The following GDF2 variants were observed in gnomAD, a reference collection of about 807,000 sequenced individuals.
The protein encoded by GDF2 is growth differentiation factor 2.
GDF2 carries 17 observed loss-of-function variants against 16.9 expected under a neutral mutation model. The ratio of observed to expected loss-of-function variants is 1.00; its 90% CI spans 0.69 to 1.51. The LOEUF (loss-of-function observed/expected upper bound fraction) is 1.51, where lower values mean the gene tolerates loss of function less well. GDF2 is among the 40% of genes most tolerant of loss of function. The pLI is 0.00. For synonymous variants in GDF2, 276 were observed against 237.6 expected (o/e 1.16, Z -1.49); for missense variants, 523 against 556.3 (o/e 0.94, Z 0.60).
chr10:47,325,225 TC>T lies in GDF2; in HGVS notation c.737del (p.Pro246GlnfsTer27). The T allele has an allele frequency of 6.2e-7, 1 of 1,613,828 alleles. No homozygotes were observed. Among genetic ancestry groups the T allele is most frequent in the Non-Finnish European group, 8.5e-7 (1 of 1,179,998 alleles). ...GGCTGCGACACGCTGGACATCAGTG[TC>T]CCCCCAGGTTCCAGAAACCTGCCCT... is the stretch of plus-strand genomic sequence containing the variant. The part of the protein sequence containing the change: ...RKGCDTLDIS[V>X]PPGSRNLPFF... On this transcript the variant is annotated frameshift_variant, in exon 2 of 2. Coordinates refer to ENST00000581492, the MANE Select transcript of GDF2 (RefSeq NM_016204.4). LOFTEE classifies it high-confidence loss of function.
Position 47,322,749 on chromosome 10 carries a change from C to G in GDF2, c.81C>G (p.Ser27Arg), listed in dbSNP as rs782628785. 4 of 1,610,834 alleles carry G rather than the reference C, an allele frequency of 2.5e-6. No individual in the cohort carries two copies. The highest frequency in any genetic ancestry group is 3.4e-6 in the Non-Finnish European group (4 of 1,178,058). The change falls in exon 1 of 2, where the codon AGC becomes AGG. Residue 27 changes from serine (S) to arginine (R), a missense_variant. By Grantham distance (110) the Ser-to-Arg change is moderately radical (BLOSUM62 -1). Coordinates refer to ENST00000581492, the MANE Select transcript of GDF2 (RefSeq NM_016204.4). ...CCCTACAGGGGAAGCCACTGCAGAG[C>G]TGGGGACGAGGGTCTGCTGGGGGAA... ...AGSLQGKPLQ[S>R]WGRGSAGGNA...
chr10:47,324,802 C>T, intron 1 of GDF2, 39 bp from the exon 2 acceptor site: 1 of 1,408,444 alleles, frequency 7.1e-7, no homozygotes, highest in Non-Finnish European at 1.0e-6. Flanking sequence ...TGGAAACAGA[C>T]CCTCCAGCAG....
rs782693474 is a variant in GDF2 at position 47,326,765 on chromosome 10, G to A, written c.*981G>A. Among the ~76,000 whole-genome samples the A allele has an allele frequency of 5.9e-5, 9 of 152,236 alleles. No homozygotes were observed. The highest frequency in any genetic ancestry group is 1.0e-4 in the Non-Finnish European group (7 of 68,036). The stretch of plus-strand genomic sequence containing the variant: ...GGGCCGGGCACACTTTCCCCTGAGG[G>A]ATGGGGCAGCCTGTGGCCAGCACCT... On this transcript the variant is annotated 3_prime_UTR_variant, in exon 2 of 2. Transcript: ENST00000581492.
Position 47,325,047 on chromosome 10 carries a change from G to A in GDF2, c.553G>A (p.Ala185Thr), listed in dbSNP as rs1555208897. ...GGATGGAACAGATGCCTGGGATAGTGCTACAGAGACCAAGACCTTCCTGGT... is the reference window on the plus strand; with the variant it reads ...GGATGGAACAGATGCCTGGGATAGTACTACAGAGACCAAGACCTTCCTGGT... Reference protein sequence around the residue: ...VLDGTDAWDSATETKTFLVSQ... With the variant: ...VLDGTDAWDSTTETKTFLVSQ... The change falls in exon 2 of 2, where the codon GCT becomes ACT. Residue 185 changes from alanine (A) to threonine (T), a missense_variant. Transcript: ENST00000581492. The A allele has an allele frequency of 2.5e-6, 4 of 1,614,118 alleles. No individual in the cohort carries two copies. The Admixed American group carries it at 6.7e-5, about 27-fold the overall frequency.
In GDF2 at chr10:47,326,601, G is replaced by A. The variant is rs782132352; in HGVS notation, c.*817G>A. 2.0e-4 allele frequency among the ~76,000 whole-genome samples: 30 copies of A among 152,154 alleles called. No individual in the cohort carries two copies. Among genetic ancestry groups the A allele is most frequent in the Non-Finnish European group, 4.1e-4 (28 of 68,030 alleles). On this transcript the variant is annotated 3_prime_UTR_variant, in exon 2 of 2. Coordinates refer to ENST00000581492, the MANE Select transcript of GDF2 (RefSeq NM_016204.4). ...GGCCAACTGCAGGATAGAGAGAGAG[G>A]TCAGGACAGCAGCCCTGTGGGCTGC...
rs2061101518 is a variant in GDF2, at chr10:47,325,328, T to C, written c.834T>C (p.His278=). Residue 278 remains histidine, a synonymous_variant, in exon 2 of 2, where the codon CAT becomes CAC. Coordinates refer to ENST00000581492, the MANE Select transcript of GDF2 (RefSeq NM_016204.4). ...TGGAGCTGAGGGAGATGATCAGCCATGAACAAGAGAGCGTGCTCAAGAAGC... is the reference window on the plus strand; with the variant it reads ...TGGAGCTGAGGGAGATGATCAGCCACGAACAAGAGAGCGTGCTCAAGAAGC... ...TRLELREMIS[H]EQESVLKKLS... 1.2e-6 allele frequency: 2 copies of C among 1,614,094 alleles called. No individual in the cohort carries two copies. The highest frequency in any genetic ancestry group is 1.1e-5 in the South Asian group (1 of 91,076).
rs978928142 is a variant in GDF2, at chr10:47,326,533, A to T, written c.*749A>T. ...TTGCCAGTGCTCACTCAGCGGCCAC[A>T]TGCTTTTTAATATGACCCCTGAGGC... On this transcript the variant is annotated 3_prime_UTR_variant, in exon 2 of 2. Transcript: ENST00000581492. Among the ~76,000 whole-genome samples the T allele has an allele frequency of 6.6e-6, 1 of 152,202 alleles. No homozygotes were observed. Among genetic ancestry groups the T allele is most frequent in the Non-Finnish European group, 1.5e-5 (1 of 68,026 alleles).
chr10:47,324,466 T>A (rs1308145112), intron 1 of GDF2, among the ~76,000 whole-genome samples: 3 of 152,208 alleles, frequency 2.0e-5, no homozygotes, highest in African/African-American at 7.2e-5. Context: ...CTGTATGCAT[T>A]TTGGCAATTA....
rs1565755196 is a variant in GDF2, at chr10:47,325,378, CA to C, written c.885del (p.Gly296ValfsTer19). The C allele has an allele frequency of 6.2e-7, 1 of 1,614,108 alleles. No individual in the cohort carries two copies. Among genetic ancestry groups the C allele is most frequent in the Non-Finnish European group, 8.5e-7 (1 of 1,180,036 alleles). On this transcript the variant is annotated frameshift_variant, in exon 2 of 2. Transcript: ENST00000581492. LOFTEE classifies it high-confidence loss of function. ...CTGTCCAAGGACGGCTCCACAGAGG[CA>C]GGTGAGAGCAGTCACGAGGAGGACA... Reference protein sequence around the residue: ...KKLSKDGSTEAGESSHEEDTD... With the variant: ...KKLSKDGSTEXGESSHEEDTD...
rs1313645354 is a variant in GDF2, at chr10:47,327,534, G to A, written c.*1750G>A. Among the ~76,000 whole-genome samples the A allele has an allele frequency of 2.6e-5, 4 of 152,152 alleles. No individual in the cohort carries two copies. Among genetic ancestry groups the A allele is most frequent in the Admixed American group, 2.0e-4 (3 of 15,280 alleles). On this transcript the variant is annotated 3_prime_UTR_variant, in exon 2 of 2. Coordinates refer to ENST00000581492, the MANE Select transcript of GDF2 (RefSeq NM_016204.4). Reference sequence around the variant, plus strand: ...TGAGCATCTTCTTTCAGTCCTGGTGGTGTGCTTCTGTGCCTGCTTGAAAAT... The same window carrying A: ...TGAGCATCTTCTTTCAGTCCTGGTGATGTGCTTCTGTGCCTGCTTGAAAAT...
At position 47,325,391 on chromosome 10, in the gene GDF2, T is replaced by C. The variant is rs1555209033; in HGVS notation, c.897T>C (p.Ser299=). ...KDGSTEAGES[S]HEEDTDGHVA... ...GCTCCACAGAGGCAGGTGAGAGCAG[T>C]CACGAGGAGGACACGGATGGCCACG... Residue 299 remains serine, a synonymous_variant, in exon 2 of 2, where the codon AGT becomes AGC. Transcript: ENST00000581492. 1 of 1,613,978 alleles carries C rather than the reference T, an allele frequency of 6.2e-7. No homozygotes were observed. Among genetic ancestry groups the C allele is most frequent in the Non-Finnish European group, 8.5e-7 (1 of 1,180,020 alleles).
chr10:47,325,426 G>A lies in GDF2; in HGVS notation c.932G>A (p.Gly311Glu). 6.2e-7 allele frequency: 1 copy of A among 1,613,926 alleles called. No homozygotes were observed. The highest frequency in any genetic ancestry group is 8.5e-7 in the Non-Finnish European group (1 of 1,180,044). The change falls in exon 2 of 2, where the codon GGG (glycine) becomes GAG (glutamate). Residue 311 changes from glycine (G) to glutamate (E), a missense_variant. Gly to Glu is a moderately conservative substitution (Grantham distance 98, BLOSUM62 -2). Coordinates refer to ENST00000581492, the MANE Select transcript of GDF2 (RefSeq NM_016204.4). Reference protein sequence around the residue: ...EEDTDGHVAAGSTLARRKRSA... With the variant: ...EEDTDGHVAAESTLARRKRSA... The stretch of plus-strand genomic sequence containing the variant: ...GACACGGATGGCCACGTGGCTGCGG[G>A]GTCGACTTTAGCCAGGCGGAAAAGG...
Position 47,325,192 on chromosome 10 carries a change from A to G in GDF2, c.698A>G (p.His233Arg), listed in dbSNP as rs781942504. ...KNKLEVTVESHRKGCDTLDIS... is the reference protein window; with the variant it reads ...KNKLEVTVESRRKGCDTLDIS... ...AAGCTGGAAGTGACTGTGGAGAGCC[A>G]CAGGAAGGGCTGCGACACGCTGGAC... The change falls in exon 2 of 2, where the codon CAC (histidine) becomes CGC (arginine). Residue 233 changes from histidine to arginine, a missense_variant. By Grantham distance (29) the His-to-Arg change is conservative. Coordinates refer to ENST00000581492, the MANE Select transcript of GDF2 (RefSeq NM_016204.4). 1.2e-6 allele frequency: 2 copies of G among 1,614,026 alleles called. No individual in the cohort carries two copies. The highest frequency in any genetic ancestry group is 1.1e-5 in the South Asian group (1 of 91,068).
chr10:47,322,964 AT>A lies in GDF2; in HGVS notation c.297del (p.Asp99GlufsTer22). The A allele has an allele frequency of 6.2e-7, 1 of 1,611,250 alleles. No homozygotes were observed. Among genetic ancestry groups the A allele is most frequent in the Non-Finnish European group, 8.5e-7 (1 of 1,177,604 alleles). On this transcript the variant is annotated frameshift_variant, in exon 1 of 2. Coordinates refer to ENST00000581492, the MANE Select transcript of GDF2 (RefSeq NM_016204.4). LOFTEE classifies it low-confidence loss of function (END_TRUNC). ...MIDLYNRYTSDKSTTPASNIV... is the reference protein window; with the variant it reads ...MIDLYNRYTSXKSTTPASNIV... The stretch of plus-strand genomic sequence containing the variant: ...GACCTGTACAACAGGTACACGTCCG[AT>A]AAGTCGACTACGCCAGCGTCCAACA...
In GDF2 at chr10:47,325,840, G is replaced by C. The variant is rs913437188; in HGVS notation, c.*56G>C. On this transcript the variant is annotated 3_prime_UTR_variant, in exon 2 of 2. Coordinates refer to ENST00000581492, the MANE Select transcript of GDF2 (RefSeq NM_016204.4). ...AAAGGGGCTCCACATGAGAGGTCCT[G>C]CATGCCCCTGGGCACAACAAGGACT... 2.0e-5 allele frequency: 25 copies of C among 1,251,628 alleles called. 1 individual carries two copies. The African/African-American group carries it at 3.0e-4, about 15-fold the overall frequency. 77.5% of individuals were successfully genotyped at this position (1,251,628 alleles called of 1,614,324 possible).
In GDF2 at chr10:47,325,795, C is replaced by T. The variant is rs782057621; in HGVS notation, c.*11C>T. ...TGTGGGTGCAGGTAGTATCTGCCTGCGGGGCTGGGGAGGCAGGCCAAAGGG... is the reference window on the plus strand; with the variant it reads ...TGTGGGTGCAGGTAGTATCTGCCTGTGGGGCTGGGGAGGCAGGCCAAAGGG... On this transcript the variant is annotated 3_prime_UTR_variant, in exon 2 of 2. Transcript: ENST00000581492. 182 of 1,518,316 alleles carry T rather than the reference C, an allele frequency of 1.2e-4. No homozygotes were observed. The highest frequency in any genetic ancestry group is 1.9e-4 in the Middle Eastern group (1 of 5,224). The allele number at this position is 1,518,316 out of a possible 1,614,324, so 94.1% of individuals were successfully genotyped here. A position where few individuals can be genotyped will look rare whatever the true frequency, so the allele number is the denominator to read the frequency against.
chr10:47,326,025 G>T lies in GDF2; in HGVS notation c.*241G>T, dbSNP rs2061105793. 2.3e-6 allele frequency: 1 copy of T among 427,464 alleles called. No individual in the cohort carries two copies. The highest frequency in any genetic ancestry group is 4.1e-6 in the Non-Finnish European group (1 of 242,474). The allele number at this position is 427,464 out of a possible 1,614,324, so 26.5% of individuals were successfully genotyped here. ...GCCTGGGAGGGTTGTTGGGATGCAAGGAGGTGATGAAAAGGAGACAGGGGG... is the reference window on the plus strand; with the variant it reads ...GCCTGGGAGGGTTGTTGGGATGCAATGAGGTGATGAAAAGGAGACAGGGGG... On this transcript the variant is annotated 3_prime_UTR_variant, in exon 2 of 2. Coordinates refer to ENST00000581492, the MANE Select transcript of GDF2 (RefSeq NM_016204.4).
At chr10:47,323,045 G>C (rs373927356) in intron 1 of GDF2, 31 bp downstream of exon 1, 2 of 1,511,446 alleles carry the variant, frequency 1.3e-6, no homozygotes, top group East Asian at 4.6e-5. Context: ...ATGCGCGCTG[G>C]GGTGGGACTC....
In GDF2 at chr10:47,325,515, TG is replaced by T; in HGVS notation, c.1024del (p.Asp342ThrfsTer27). 6.2e-7 allele frequency: 1 copy of T among 1,613,860 alleles called. No individual in the cohort carries two copies. The highest frequency in any genetic ancestry group is 1.1e-5 in the South Asian group (1 of 91,086). Reference sequence around the variant, plus strand: ...GCGGGTAAACTTCGAGGACATCGGCTGGGACAGCTGGATCATTGCACCCAAG... The same window carrying T: ...GCGGGTAAACTTCGAGGACATCGGCTGGACAGCTGGATCATTGCACCCAAG... ...SLRVNFEDIG[W>X]DSWIIAPKEY... On this transcript the variant is annotated frameshift_variant, in exon 2 of 2. Transcript: ENST00000581492. LOFTEE classifies it high-confidence loss of function.
Sources: gnomAD v4.1 joint callset for allele counts (sites outside exome capture counted in the v4.1 genomes callset) on GRCh38, gnomAD v4.1.1 for gene constraint, MANE v1.5 for transcripts, NCBI Gene and HGNC (gene_info 2026-07-23, HGNC 2026-07-21) for gene names.